The following KCNG3 variants were observed in gnomAD, a reference collection of about 807,000 sequenced individuals.
KCNG3 encodes the protein potassium voltage-gated channel modifier subfamily G member 3, also known as voltage-gated potassium channel regulatory subunit KCNG3.
In KCNG3, 15 loss-of-function variants were observed where a neutral mutation model predicts 29.0. The observed-to-expected ratio is 0.52, with a 90% CI of 0.35 to 0.80. The LOEUF (loss-of-function observed/expected upper bound fraction) is 0.80. Ranked by LOEUF, KCNG3 falls within the 30% of genes least tolerant of loss-of-function variation. KCNG3 has a pLI of 0.01. For synonymous variants in KCNG3, 322 were observed against 248.9 expected, an observed-to-expected ratio of 1.29 and a Z score of -2.76; for missense variants, 512 against 605.7, an observed-to-expected ratio of 0.85 and a Z score of 1.62.
At chr2:42,391,813 G>A in the KCNG3 span, among the ~76,000 whole-genome samples, 5 of 150,914 alleles carry the variant, frequency 3.3e-5, no homozygotes, top group East Asian at 2.0e-4. Context: ...CGTTTTAGCC[G>A]GGATGGTCTC....
chr2:42,431,661 T>C, the KCNG3 span, among the ~76,000 whole-genome samples: 1 of 152,212 alleles, frequency 6.6e-6, no homozygotes, highest in East Asian at 1.9e-4. Flanking sequence ...AATATTAAGC[T>C]TTTCCTCCAC....
intron 1 of KCNG3, among the ~76,000 whole-genome samples, chr2:42,458,002 CACTG>C (rs749384159): frequency 7.2e-5 from 11 of 152,200 alleles, no homozygotes; most frequent in Non-Finnish European, 1.5e-4. Context: ...TATATGTACT[CACTG>C]ACTAAGTCAT....
At chr2:42,450,864 A>C (rs2103671892) in intron 1 of KCNG3, among the ~76,000 whole-genome samples, 1 of 152,362 alleles carries the variant, frequency 6.6e-6, no homozygotes, top group Non-Finnish European at 1.5e-5. Context: ...TTAAAGCTAA[A>C]AGGAGCATTT....
intron 1 of KCNG3, 93 bp downstream of exon 1, chr2:42,492,743 GC>G: frequency 8.3e-7 from 1 of 1,211,674 alleles, no homozygotes; most frequent in Non-Finnish European, 1.1e-6. Context: ...TGGCTCGGTC[GC>G]CCGGAGGCGG....
At chr2:42,439,622 G>A (rs145729697), downstream of KCNG3, among the ~76,000 whole-genome samples, 9 of 145,480 alleles carry the variant, frequency 6.2e-5, no homozygotes, top group East Asian at 2.1e-4. Context: ...GGAAAAATAC[G>A]GGGAACACCA....
rs530139026 is a variant in KCNG3, at chr2:42,469,179, G to T, written c.665+23658C>A. ...CACACTTGTAATCCCAGCACTTTGG[G>T]AGGCCGAGGCAGCTGGATCACGAGG... On this transcript the variant is annotated intron_variant, in intron 1 of 1. Transcript: ENST00000306078. Among the ~76,000 whole-genome samples the T allele has an allele frequency of 1.2e-3, 181 of 152,152 alleles. 1 individual carries two copies. Among genetic ancestry groups the T allele is most frequent in the African/African-American group, 4.0e-3 (167 of 41,502 alleles).
chr2:42,488,157 C>T (rs527554275), intron 1 of KCNG3, among the ~76,000 whole-genome samples: 8 of 152,178 alleles, frequency 5.3e-5, no homozygotes, highest in African/African-American at 1.7e-4. Context: ...GATTTTGAAC[C>T]GTTTTTATAT....
the KCNG3 span, among the ~76,000 whole-genome samples, chr2:42,420,657 C>G: frequency 1.3e-5 from 2 of 152,088 alleles, no homozygotes; most frequent in Admixed American, 6.5e-5. Context: ...GACGTGGTGG[C>G]ACATGCCTGT....
At chr2:42,467,030 G>A (rs1482541932) in intron 1 of KCNG3, among the ~76,000 whole-genome samples, 1 of 152,038 alleles carries the variant, frequency 6.6e-6, no homozygotes, top group African/African-American at 2.4e-5. Flanking sequence ...TGGGATTATA[G>A]GCAGGAGCCA....
chr2:42,413,867 C>T, the KCNG3 span: 2 of 152,226 alleles, frequency 1.3e-5, no homozygotes, highest in African/African-American at 4.8e-5. Flanking sequence ...TTACCTCCCA[C>T]TGGGTCCCTC....
chr2:42,470,216 C>A, intron 1 of KCNG3: 1 of 418,840 alleles, frequency 2.4e-6, no homozygotes. Flanking sequence ...GCGAGTCCTC[C>A]CTCCCAATTG....
chr2:42,425,764 T>A, the KCNG3 span, among the ~76,000 whole-genome samples: 1 of 151,634 alleles, frequency 6.6e-6, no homozygotes, highest in Non-Finnish European at 1.5e-5. Context: ...TGAAAGCGGG[T>A]CAAAGATCAA....
intron 1 of KCNG3, among the ~76,000 whole-genome samples, chr2:42,459,868 C>T (rs1419095279): frequency 2.6e-5 from 4 of 151,596 alleles, no homozygotes; most frequent in African/African-American, 4.9e-5. Flanking sequence ...CCTAGCTACT[C>T]GGGAGGCTGA....
intron 1 of KCNG3, among the ~76,000 whole-genome samples, chr2:42,466,544 T>C (rs374662845): frequency 1.3e-4 from 20 of 152,160 alleles, no homozygotes; most frequent in African/African-American, 4.8e-4. Context: ...ACAGCCTAAG[T>C]GGTGAAGTAT....
chr2:42,453,402 G>T (rs2103676790), intron 1 of KCNG3, among the ~76,000 whole-genome samples: 1 of 152,306 alleles, frequency 6.6e-6, no homozygotes, highest in East Asian at 1.9e-4. Flanking sequence ...TTTAACTGGA[G>T]TGAGATGATA....
intron 1 of KCNG3, among the ~76,000 whole-genome samples, chr2:42,457,364 C>T (rs946859638): frequency 6.6e-6 from 1 of 151,036 alleles, no homozygotes; most frequent in African/African-American, 2.4e-5. Flanking sequence ...CATGGGGGCA[C>T]GCGCCTGTAC....
intron 1 of KCNG3, among the ~76,000 whole-genome samples, chr2:42,447,099 T>TCCCAGCACTTTGGGAGGCCGAGGCGGGCG (rs1553326532): frequency 8.6e-6 from 1 of 116,608 alleles, no homozygotes. Flanking sequence ...AAAAAAGGGA[T>TCCCAGCACTTTGGGAGGCCGAGGCGGGCG]GAGGAAGGGG....
chr2:42,401,818 AG>A, the KCNG3 span, among the ~76,000 whole-genome samples: 1 of 152,124 alleles, frequency 6.6e-6, no homozygotes, highest in Non-Finnish European at 1.5e-5. Flanking sequence ...CAGAAGGTGG[AG>A]GTTTCAGTGA....
chr2:42,423,804 G>GAAAAAAA, the KCNG3 span, among the ~76,000 whole-genome samples: 1 of 120,956 alleles, frequency 8.3e-6, no homozygotes. Flanking sequence ...GAGGTGAAAG[G>GAAAAAAA]AAAAAAAAAA....
Sources: gnomAD v4.1 joint callset for allele counts (sites outside exome capture counted in the v4.1 genomes callset) on GRCh38, gnomAD v4.1.1 for gene constraint, MANE v1.5 for transcripts, NCBI Gene and HGNC (gene_info 2026-07-23, HGNC 2026-07-21) for gene names.